The following GPHN variants were observed in gnomAD, a reference collection of about 807,000 sequenced individuals.
GPHN encodes gephyrin.
In GPHN, 17 loss-of-function variants were observed where a neutral mutation model predicts 95.5. The ratio of observed to expected loss-of-function variants is 0.18; its 90% CI spans 0.12 to 0.27. The LOEUF (loss-of-function observed/expected upper bound fraction) is 0.27, where lower values mean the gene tolerates loss of function less well. Among genes scored for constraint, GPHN ranks in the 10% least tolerant of loss-of-function variants. GPHN has a pLI of 1.00. For missense variants in GPHN, 660 were observed against 978.1 expected (o/e 0.67, Z 4.34); for synonymous variants, 320 against 322.5 (o/e 0.99, Z 0.08).
At chr14:67,692,494 T>C in the GPHN span, 1 of 1,614,086 alleles carries the variant, frequency 6.2e-7, no homozygotes, top group Non-Finnish European at 8.5e-7. Flanking sequence ...CAGGTCCAGT[T>C]TCCGCACCAA....
At chr14:67,201,312 T>A in the GPHN span, 3 of 350,598 alleles carry the variant, frequency 8.6e-6, no homozygotes, top group East Asian at 2.4e-4. Flanking sequence ...AACAAATAAA[T>A]ATTTTTAAAA....
chr14:67,100,713 A>T, intron 12 of GPHN, 143 bp from the exon 13 acceptor site: 1 of 688,558 alleles, frequency 1.5e-6, no homozygotes, highest in Non-Finnish European at 2.7e-6. Flanking sequence ...GCCATTGTCA[A>T]GTCTAGGAGA....
At chr14:67,015,393 T>C (rs1811317637) in intron 9 of GPHN, among the ~76,000 whole-genome samples, 1 of 152,108 alleles carries the variant, frequency 6.6e-6, no homozygotes, top group African/African-American at 2.4e-5. Flanking sequence ...TCTTATGTTG[T>C]ACATAGATTT....
At chr14:67,594,216 G>A in the GPHN span, among the ~76,000 whole-genome samples, 1 of 152,188 alleles carries the variant, frequency 6.6e-6, no homozygotes, top group Non-Finnish European at 1.5e-5. Flanking sequence ...GAACGCAGTA[G>A]CTTGCACCTG....
chr14:67,586,376 T>C, the GPHN span: 9 of 1,385,624 alleles, frequency 6.5e-6, no homozygotes, highest in Non-Finnish European at 9.5e-7. Context: ...AGCCCCAGCA[T>C]CATGCAGTCC....
chr14:66,743,519 G>A (rs138176827), intron 2 of GPHN, among the ~76,000 whole-genome samples: 61 of 152,060 alleles, frequency 4.0e-4, no homozygotes, highest in African/African-American at 1.2e-3. Flanking sequence ...GGCGGATCAC[G>A]AGGTGAGGAG....
At chr14:66,829,778 T>G (rs1220882204) in intron 4 of GPHN, among the ~76,000 whole-genome samples, 3 of 152,164 alleles carry the variant, frequency 2.0e-5, no homozygotes, top group African/African-American at 7.2e-5. Context: ...GCTTTTGTTT[T>G]TAATCCTCAA....
intron 9 of GPHN, among the ~76,000 whole-genome samples, chr14:66,974,977 A>G (rs962724965): frequency 3.3e-5 from 5 of 152,202 alleles, no homozygotes; most frequent in Non-Finnish European, 5.9e-5. Context: ...TTAAAAATGT[A>G]TATAAATCAC....
chr14:67,102,777 CATGGACTAACACT>C (rs1476937833), intron 13 of GPHN, among the ~76,000 whole-genome samples: 2 of 152,220 alleles, frequency 1.3e-5, no homozygotes, highest in Non-Finnish European at 2.9e-5. Context: ...CTTGGCTTAG[CATGGACTAACACT>C]AGAAACGAGT....
At chr14:67,373,892 TCTTTC>T in the GPHN span, among the ~76,000 whole-genome samples, 2 of 150,600 alleles carry the variant, frequency 1.3e-5, no homozygotes, top group Admixed American at 1.3e-4. Context: ...GACGATAGCC[TCTTTC>T]CTTAAACTAA....
At chr14:67,722,385 A>C in the GPHN span, 3 of 573,570 alleles carry the variant, frequency 5.2e-6, no homozygotes, top group Non-Finnish European at 9.4e-6. Context: ...AGTAAACCTA[A>C]GTAAGCTTCA....
At chr14:67,177,539 A>G (rs565181227) in intron 21 of GPHN, among the ~76,000 whole-genome samples, 104 of 152,338 alleles carry the variant, frequency 6.8e-4, no homozygotes, top group Non-Finnish European at 1.3e-3. Context: ...TGTTGCTGAG[A>G]AGAATGTACA....
chr14:66,680,756 T>C (rs1186296714), intron 1 of GPHN, among the ~76,000 whole-genome samples: 2 of 152,182 alleles, frequency 1.3e-5, no homozygotes, highest in Non-Finnish European at 2.9e-5. Context: ...GTAGTTTGTC[T>C]CTTTTTTTCC....
chr14:66,921,323 T>C (rs2066203916), intron 6 of GPHN, among the ~76,000 whole-genome samples: 1 of 152,252 alleles, frequency 6.6e-6, no homozygotes, highest in African/African-American at 2.4e-5. Context: ...ATTGCAGTTT[T>C]GATTTGCATT....
the GPHN span, chr14:67,706,079 G>A: frequency 1.3e-5 from 2 of 152,096 alleles, no homozygotes; most frequent in South Asian, 2.1e-4. Context: ...ATTAAGTTCA[G>A]CATCAATATA....
intron 2 of GPHN, among the ~76,000 whole-genome samples, chr14:66,741,957 C>T (rs1401524845): frequency 6.6e-6 from 1 of 152,194 alleles, no homozygotes; most frequent in East Asian, 1.9e-4. Flanking sequence ...TTGCTATCTT[C>T]ATTGGTTCCA....
the GPHN span, among the ~76,000 whole-genome samples, chr14:67,498,748 C>T: frequency 3.3e-5 from 5 of 152,280 alleles, no homozygotes; most frequent in East Asian, 9.7e-4. Context: ...TCACCGCAGC[C>T]TCCATCTCCT....
At chr14:67,045,004 G>A (rs1013613240) in intron 10 of GPHN, among the ~76,000 whole-genome samples, 3 of 152,070 alleles carry the variant, frequency 2.0e-5, no homozygotes, top group Non-Finnish European at 4.4e-5. Flanking sequence ...CAAAACTGAC[G>A]AGTTGATTTC....
At chr14:67,342,214 A>AAATAAATAAAT in the GPHN span, among the ~76,000 whole-genome samples, 2 of 101,992 alleles carry the variant, frequency 2.0e-5, no homozygotes, top group African/African-American at 1.4e-4. Context: ...ATAAATAAAT[A>AAATAAATAAAT]AAATAAAATA....
Sources: allele counts gnomAD v4.1 joint callset (sites outside exome capture counted in the v4.1 genomes callset), GRCh38; gene constraint gnomAD v4.1.1; transcripts MANE v1.5; gene names NCBI Gene and HGNC (gene_info 2026-07-23, HGNC 2026-07-21).